The following CCDC180 variants were observed in gnomAD, a reference collection of about 807,000 sequenced individuals.
The protein encoded by CCDC180 is coiled-coil domain containing 180, also known as coiled-coil domain-containing protein 180.
A neutral mutation model predicts 209.2 loss-of-function variants in CCDC180; 154 were observed. The observed-to-expected ratio is 0.74, with a 90% CI of 0.65 to 0.84. The LOEUF (loss-of-function observed/expected upper bound fraction) is 0.84. Ranked by LOEUF, CCDC180 falls within the 40% of genes least tolerant of loss-of-function variation. The pLI is 0.00. For missense variants in CCDC180, 1,874 were observed against 1,997.3 expected (o/e 0.94, Z 1.18); for synonymous variants, 778 against 749.1 (o/e 1.04, Z -0.63).
rs746559519 is a variant in CCDC180 at position 97,328,066 on chromosome 9, C to T, written c.1708C>T (p.Pro570Ser). The change falls in exon 16 of 37, where the codon CCA (proline) becomes TCA (serine). Residue 570 changes from proline (P) to serine (S), a missense_variant. Coordinates refer to ENST00000529487, the MANE Select transcript of CCDC180 (RefSeq NM_020893.6). ...CCTGACAAAGGAAGTGATGGAGTACCCAGCGATCATGCTGAAAGAACTCAA... is the reference window on the plus strand; with the variant it reads ...CCTGACAAAGGAAGTGATGGAGTACTCAGCGATCATGCTGAAAGAACTCAA... ...TLLTKEVMEYPAIMLKELNSY... is the reference protein window; with the variant it reads ...TLLTKEVMEYSAIMLKELNSY... 3.1e-6 allele frequency: 5 copies of T among 1,613,992 alleles called. No homozygotes were observed. The South Asian group carries it at 3.3e-5, about 11-fold the overall frequency.
intron 34 of CCDC180, chr9:97,373,832 G>A (rs1308171099): frequency 6.6e-6 from 1 of 152,216 alleles, no homozygotes; most frequent in African/African-American, 2.4e-5. Flanking sequence ...TCAAAGGTGA[G>A]CCTTGTTTGG....
chr9:97,337,624 C>CT (rs1391811874), intron 18 of CCDC180, among the ~76,000 whole-genome samples: 4 of 152,026 alleles, frequency 2.6e-5, no homozygotes, highest in African/African-American at 9.7e-5. Flanking sequence ...CTAAAATTCT[C>CT]TTTTTTTGTT....
At position 97,347,336 on chromosome 9, in the gene CCDC180, C is replaced by G. The variant is rs114125305; in HGVS notation, c.2521C>G (p.His841Asp). Residue 841 changes from histidine (H) to aspartate (D), a missense_variant, in exon 20 of 37, where the codon CAC becomes GAC. Physicochemically the swap from His to Asp is moderately conservative, Grantham distance 81. Coordinates refer to ENST00000529487, the MANE Select transcript of CCDC180 (RefSeq NM_020893.6). ...CAGACTTCGAGCTGGCTTCTTCGAG[C>G]ACCTTGAGAAGTGGTTTGACCAGTG... Reference protein sequence around the residue: ...KKQLRAGFFEHLEKWFDQCSL... With the variant: ...KKQLRAGFFEDLEKWFDQCSL... 764 of 1,536,024 alleles carry G rather than the reference C, an allele frequency of 5.0e-4. 3 individuals carry two copies. The African/African-American group carries it at 9.5e-3, about 19-fold the overall frequency.
intron 18 of CCDC180, among the ~76,000 whole-genome samples, chr9:97,342,182 C>G (rs907302197): frequency 9.9e-5 from 15 of 152,244 alleles, no homozygotes; most frequent in African/African-American, 2.4e-5. Context: ...TGGGCTGCAC[C>G]CACTTTCCAA....
At chr9:97,360,184 C>T in intron 26 of CCDC180, 83 bp downstream of exon 26, 1 of 1,528,956 alleles carries the variant, frequency 6.5e-7, no homozygotes, top group Admixed American at 1.9e-5. Flanking sequence ...TCAGTAGAGC[C>T]AAAGGGAAGA....
chr9:97,328,945 G>T (rs1825646204), intron 16 of CCDC180, among the ~76,000 whole-genome samples: 1 of 152,202 alleles, frequency 6.6e-6, no homozygotes, highest in Non-Finnish European at 1.5e-5. Context: ...CTGGGTAAAT[G>T]CATGAATACC....
At chr9:97,354,435 C>G (rs1826508603) in intron 22 of CCDC180, 134 bp from the exon 23 acceptor site, 1 of 848,822 alleles carries the variant, frequency 1.2e-6, no homozygotes, top group Non-Finnish European at 1.9e-6. Context: ...CTTAAGCTAT[C>G]TGTGTTCATT....
Position 97,322,866 on chromosome 9 carries a change from G to A in CCDC180, c.1193G>A (p.Arg398His), listed in dbSNP as rs151161375. Residue 398 changes from arginine (R) to histidine (H), a missense_variant, in exon 12 of 37, where the codon CGC (arginine) becomes CAC (histidine). Transcript: ENST00000529487. ...CACGTGGACTGCATGATGCGGATCCGCCTGCTGTATGAGAAGACATGGCAG... is the reference window on the plus strand; with the variant it reads ...CACGTGGACTGCATGATGCGGATCCACCTGCTGTATGAGAAGACATGGCAG... ...TYHVDCMMRI[R>H]LLYEKTWQEC... 150 of 1,613,992 alleles carry A rather than the reference G, an allele frequency of 9.3e-5. 1 individual carries two copies. The African/African-American group carries it at 9.3e-4, about 10-fold the overall frequency.
chr9:97,314,425 A>G lies in CCDC180; in HGVS notation c.492A>G (p.Gly164=), dbSNP rs774188123. The G allele has an allele frequency of 6.2e-7, 1 of 1,613,882 alleles. No individual in the cohort carries two copies. The highest frequency in any genetic ancestry group is 1.3e-5 in the African/African-American group (1 of 74,952). Reference sequence around the variant, plus strand: ...AACCTCTCATCGTGGACACAGGGGGACTTTTTTTGAAGAAGCTGACTGAGT... The same window carrying G: ...AACCTCTCATCGTGGACACAGGGGGGCTTTTTTTGAAGAAGCTGACTGAGT... ...EMEPLIVDTG[G]LFLKKLTESD... is the part of the protein sequence containing the mutation. The change falls in exon 6 of 37, where the codon GGA becomes GGG. Residue 164 remains glycine, a synonymous_variant. Coordinates refer to ENST00000529487, the MANE Select transcript of CCDC180 (RefSeq NM_020893.6).
In CCDC180 at chr9:97,362,255, G is replaced by A. The variant is rs1826778367; in HGVS notation, c.3716G>A (p.Arg1239Lys). The A allele has an allele frequency of 6.2e-7, 1 of 1,614,188 alleles. No homozygotes were observed. The highest frequency in any genetic ancestry group is 1.3e-5 in the African/African-American group (1 of 75,036). The change falls in exon 28 of 37, where the codon AGA becomes AAA. Residue 1239 changes from arginine (R) to lysine (K), a missense_variant. Arg to Lys is a conservative substitution (Grantham distance 26). Coordinates refer to ENST00000529487, the MANE Select transcript of CCDC180 (RefSeq NM_020893.6). ...GACAAAGATCCGTCCCAGACAGGTA[G>A]AGGCGCATGGGCCTGTGGGTCTCGG... is the stretch of plus-strand genomic sequence containing the variant. ...HCDKDPSQTGRGAWACGSRGS... is the reference protein window; with the variant it reads ...HCDKDPSQTGKGAWACGSRGS...
At chr9:97,333,266 G>A (rs1034462199) in intron 18 of CCDC180, among the ~76,000 whole-genome samples, 6 of 152,120 alleles carry the variant, frequency 3.9e-5, no homozygotes, top group Non-Finnish European at 8.8e-5. Context: ...GATTCAGCTT[G>A]CTAGTATTTT....
chr9:97,312,044 C>G, intron 3 of CCDC180, 69 bp from the exon 4 acceptor site: 2 of 1,382,584 alleles, frequency 1.4e-6, no homozygotes, highest in Non-Finnish European at 2.1e-6. Context: ...CCTTGGTGCC[C>G]TTATGTGCCA....
chr9:97,369,012 T>C (rs551770402), intron 31 of CCDC180, among the ~76,000 whole-genome samples: 54 of 152,222 alleles, frequency 3.5e-4, no homozygotes, highest in Admixed American at 3.0e-3. Context: ...CAAAAGACTA[T>C]GAAAATGACC....
chr9:97,361,807 G>T lies in CCDC180; in HGVS notation c.3565G>T (p.Val1189Leu), dbSNP rs200715649. 2 of 1,614,200 alleles carry T rather than the reference G, an allele frequency of 1.2e-6. No homozygotes were observed. Among genetic ancestry groups the T allele is most frequent in the Non-Finnish European group, 1.7e-6 (2 of 1,180,028 alleles). ...EALEEEAKLD[V>L]VTPESFTQLS... is the part of the protein sequence containing the mutation. ...CCTTGAAGAGGAGGCCAAGCTGGAC[G>T]TGGTCACCCCTGAGTCCTTCACCCA... Residue 1189 changes from valine (V) to leucine (L), a missense_variant, in exon 27 of 37, where the codon GTG becomes TTG. By Grantham distance (32) the Val-to-Leu change is conservative. Coordinates refer to ENST00000529487, the MANE Select transcript of CCDC180 (RefSeq NM_020893.6).
Position 97,364,060 on chromosome 9 carries a change from G to T in CCDC180, c.3912G>T (p.Pro1304=). Residue 1304 remains proline, a synonymous_variant, in exon 29 of 37, where the codon CCG becomes CCT. Coordinates refer to ENST00000529487, the MANE Select transcript of CCDC180 (RefSeq NM_020893.6). ...CACCTTTGTCCCACAGCTTCACACC[G>T]CACCCCAAGCCCAACAAAATGGAGA... The part of the protein sequence containing the change: ...ASATSAGSFT[P]HPKPNKMERK... 6.2e-7 allele frequency: 1 copy of T among 1,613,960 alleles called. No individual in the cohort carries two copies.
intron 22 of CCDC180, among the ~76,000 whole-genome samples, 187 bp downstream of exon 22, chr9:97,350,742 C>T (rs1347008608): frequency 6.6e-6 from 1 of 152,206 alleles, no homozygotes; most frequent in Non-Finnish European, 1.5e-5. Context: ...CCATCACCAC[C>T]ACTGGTCACC....
intron 2 of CCDC180, 142 bp from the exon 3 acceptor site, chr9:97,309,272 C>T (rs1006859675): frequency 1.5e-5 from 10 of 674,808 alleles, no homozygotes; most frequent in Admixed American, 7.2e-5. Context: ...AGGGATATGA[C>T]CTGGGGCTGA....
chr9:97,357,302 C>T (rs996127684), intron 24 of CCDC180, among the ~76,000 whole-genome samples: 3 of 152,160 alleles, frequency 2.0e-5, no homozygotes, highest in African/African-American at 7.2e-5. Flanking sequence ...TCGTGGAAGC[C>T]ACAGTCCTGG....
At chr9:97,364,402 T>G in intron 29 of CCDC180, 1 of 380,934 alleles carries the variant, frequency 2.6e-6, no homozygotes, top group South Asian at 3.2e-5. Context: ...TCTGAACTTT[T>G]TTTTGTAATT....
Sources: gnomAD v4.1 joint callset for allele counts (sites outside exome capture counted in the v4.1 genomes callset) on GRCh38, gnomAD v4.1.1 for gene constraint, MANE v1.5 for transcripts, NCBI Gene and HGNC (gene_info 2026-07-23, HGNC 2026-07-21) for gene names.